KLHL32: variants seen among roughly 807,000 people sequenced by gnomAD.
KLHL32 encodes kelch-like protein 32.
Under a neutral mutation model 64.8 loss-of-function variants are expected in KLHL32, and 35 were observed. The ratio of observed to expected loss-of-function variants is 0.54; its 90% CI spans 0.41 to 0.72. The LOEUF (loss-of-function observed/expected upper bound fraction) is 0.72, where lower values mean the gene tolerates loss of function less well. Ranked by LOEUF, KLHL32 falls within the 30% of genes least tolerant of loss-of-function variation. The pLI is 0.00. For synonymous variants in KLHL32, 259 were observed against 281.0 expected (o/e 0.92, Z 0.78); for missense variants, 589 against 768.5 (o/e 0.77, Z 2.76).
intron 6 of KLHL32, among the ~76,000 whole-genome samples, chr6:97,091,554 C>A (rs1193700788): frequency 2.0e-5 from 3 of 152,160 alleles, no homozygotes; most frequent in Non-Finnish European, 4.4e-5. Flanking sequence ...TGCTCTTTCC[C>A]ACCTGCCCAA....
intron 6 of KLHL32, among the ~76,000 whole-genome samples, chr6:97,087,459 A>G (rs565686244): frequency 6.6e-6 from 1 of 152,346 alleles, no homozygotes; most frequent in African/African-American, 2.4e-5. Context: ...GATCTACAGA[A>G]TCTCATTAAA....
chr6:97,001,191 G>A (rs773485626), intron 3 of KLHL32, among the ~76,000 whole-genome samples: 1 of 152,158 alleles, frequency 6.6e-6, no homozygotes. Flanking sequence ...GGTGAATAAT[G>A]ATGTGTAAAT....
chr6:97,060,657 C>T (rs1338233255), intron 4 of KLHL32, among the ~76,000 whole-genome samples: 5 of 152,132 alleles, frequency 3.3e-5, no homozygotes, highest in African/African-American at 1.2e-4. Flanking sequence ...TGCAAATTCT[C>T]CTGTCTGCTA....
At chr6:97,108,192 A>G (rs1183785394) in intron 6 of KLHL32, among the ~76,000 whole-genome samples, 11 of 152,166 alleles carry the variant, frequency 7.2e-5, no homozygotes, top group South Asian at 4.1e-4. Context: ...CTTGGCCACC[A>G]AAAATGCTGC....
At chr6:97,097,077 A>G (rs1342410248) in intron 6 of KLHL32, among the ~76,000 whole-genome samples, 2 of 152,238 alleles carry the variant, frequency 1.3e-5, no homozygotes, top group African/African-American at 4.8e-5. Context: ...GTCAGAACTC[A>G]TAATAAGTCA....
At chr6:97,033,110 CACT>C (rs1783802943) in intron 3 of KLHL32, among the ~76,000 whole-genome samples, 1 of 152,098 alleles carries the variant, frequency 6.6e-6, no homozygotes, top group Non-Finnish European at 1.5e-5. Context: ...AGGCACTGTT[CACT>C]TTGTATGTAT....
At chr6:96,974,014 ACCTGACTTCTTCTCTTTTTTTTT>A (rs1775427430) in intron 2 of KLHL32, among the ~76,000 whole-genome samples, 2 of 151,812 alleles carry the variant, frequency 1.3e-5, no homozygotes, top group Admixed American at 1.3e-4. Context: ...GAGCCACCGT[ACCTGACTTCTTCTCTTTTTTTTT>A]CCTTTAAGCA....
At chr6:97,074,685 A>G in intron 5 of KLHL32, among the ~76,000 whole-genome samples, 1 of 151,660 alleles carries the variant, frequency 6.6e-6, no homozygotes, top group South Asian at 2.1e-4. Flanking sequence ...GTACTGGGCT[A>G]ATTTTCAGCA....
intron 1 of KLHL32, among the ~76,000 whole-genome samples, chr6:96,926,437 A>G (rs1431790699): frequency 1.3e-5 from 2 of 152,202 alleles, no homozygotes; most frequent in Admixed American, 6.5e-5. Context: ...CACTTTTCAT[A>G]TACTTCTTTT....
At chr6:97,067,215 G>T (rs935641799) in intron 5 of KLHL32, among the ~76,000 whole-genome samples, 3 of 152,186 alleles carry the variant, frequency 2.0e-5, no homozygotes, top group African/African-American at 4.8e-5. Flanking sequence ...AAATGGTGCT[G>T]CTGCCCTCCT....
chr6:97,064,619 A>G lies in KLHL32; in HGVS notation c.313-9A>G, dbSNP rs771333366. The G allele has an allele frequency of 3.7e-6, 6 of 1,612,074 alleles. No individual in the cohort carries two copies. The highest frequency in any genetic ancestry group is 2.2e-5 in the South Asian group (2 of 90,906). On this transcript the variant is annotated splice_polypyrimidine_tract_variant and intron_variant, in intron 4 of 10. Coordinates refer to ENST00000369261, the MANE Select transcript of KLHL32 (RefSeq NM_052904.4). ...CTGATAGTTTTATTTTTGTTAACAA[A>G]CAAAACAGATTTTGCTGGAGCCAGG...
intron 3 of KLHL32, among the ~76,000 whole-genome samples, chr6:96,989,011 A>G (rs1255722446): frequency 2.6e-5 from 4 of 152,106 alleles, no homozygotes; most frequent in African/African-American, 9.7e-5. Flanking sequence ...GTTAAATGAG[A>G]AGTTAATGGG....
intron 1 of KLHL32, among the ~76,000 whole-genome samples, chr6:96,928,984 T>C (rs1769510531): frequency 6.6e-6 from 1 of 152,190 alleles, no homozygotes; most frequent in African/African-American, 2.4e-5. Flanking sequence ...TGGTGACAGA[T>C]AAATGTACTA....
intron 5 of KLHL32, among the ~76,000 whole-genome samples, chr6:97,079,945 G>A (rs559924834): frequency 1.9e-4 from 29 of 152,006 alleles, no homozygotes; most frequent in Non-Finnish European, 3.4e-4. Flanking sequence ...AACCACTACC[G>A]CTACCTGGAT....
At chr6:97,058,371 G>A (rs1333134364) in intron 4 of KLHL32, among the ~76,000 whole-genome samples, 1 of 152,180 alleles carries the variant, frequency 6.6e-6, no homozygotes, top group Non-Finnish European at 1.5e-5. Flanking sequence ...TTTATCCACA[G>A]ACATGGGCCA....
chr6:96,956,031 G>A (rs2128017878), intron 1 of KLHL32, among the ~76,000 whole-genome samples: 1 of 152,292 alleles, frequency 6.6e-6, no homozygotes, highest in African/African-American at 2.4e-5. Flanking sequence ...TGTGGCTGGT[G>A]AGGCCTCACA....
rs762166647 is a variant in KLHL32, at chr6:96,938,432, C to T, written c.-66+13406C>T. ...CAGTGGACACCTTCTCTTCTGGGCT[C>T]CACCTTCCGGCATGCTTCTCGTGTC... On this transcript the variant is annotated intron_variant, in intron 1 of 10. Coordinates refer to ENST00000369261, the MANE Select transcript of KLHL32 (RefSeq NM_052904.4). Among the ~76,000 whole-genome samples the T allele has an allele frequency of 2.6e-5, 4 of 152,178 alleles. No homozygotes were observed. In the East Asian group the frequency reaches 5.8e-4, roughly 22 times the overall value.
chr6:97,117,712 A>G (rs1432700586), intron 7 of KLHL32, among the ~76,000 whole-genome samples: 1 of 152,180 alleles, frequency 6.6e-6, no homozygotes, highest in Non-Finnish European at 1.5e-5. Context: ...AAGCTCTTAA[A>G]TATCCTACAG....
At chr6:96,907,246 A>G in the KLHL32 span, among the ~76,000 whole-genome samples, 2 of 152,236 alleles carry the variant, frequency 1.3e-5, no homozygotes, top group East Asian at 1.9e-4. Context: ...CTCTTCATCC[A>G]GTATCCATAA....
Sources: gnomAD v4.1 joint callset for allele counts (sites outside exome capture counted in the v4.1 genomes callset) on GRCh38, gnomAD v4.1.1 for gene constraint, MANE v1.5 for transcripts, NCBI Gene and HGNC (gene_info 2026-07-23, HGNC 2026-07-21) for gene names.